PDE3B: variants seen among roughly 807,000 people sequenced by gnomAD.
PDE3B encodes cGMP-inhibited 3',5'-cyclic phosphodiesterase 3B.
PDE3B carries 66 observed loss-of-function variants against 116.8 expected under a neutral mutation model. The ratio of observed to expected loss-of-function variants is 0.56; its 90% CI spans 0.46 to 0.69. The LOEUF is 0.69. Among genes scored for constraint, PDE3B ranks in the 30% least tolerant of loss-of-function variants. The pLI is 0.00. For synonymous variants in PDE3B, 595 were observed against 533.6 expected, an observed-to-expected ratio of 1.12 and a Z score of -1.59; for missense variants, 1,384 against 1,368.1, an observed-to-expected ratio of 1.01 and a Z score of -0.18.
At chr11:14,800,335 C>A (rs553487057) in intron 4 of PDE3B, among the ~76,000 whole-genome samples, 1 of 151,996 alleles carries the variant, frequency 6.6e-6, no homozygotes, top group East Asian at 1.9e-4. Context: ...CGTGGTGGTG[C>A]GCGCCTGTAA....
At chr11:14,758,459 T>C (rs1857259534) in intron 1 of PDE3B, among the ~76,000 whole-genome samples, 1 of 146,708 alleles carries the variant, frequency 6.8e-6, no homozygotes, top group Non-Finnish European at 1.5e-5. Context: ...TTCCATTTGT[T>C]TGTATCCTCT....
In PDE3B at chr11:14,861,278, TC is replaced by T; in HGVS notation, c.2799del (p.Lys934AsnfsTer5). 1 of 1,612,368 alleles carries T rather than the reference TC, an allele frequency of 6.2e-7. No homozygotes were observed. Among genetic ancestry groups the T allele is most frequent in the Non-Finnish European group, 8.5e-7 (1 of 1,178,438 alleles). On this transcript the variant is annotated frameshift_variant, in exon 14 of 16. Coordinates refer to ENST00000282096, the MANE Select transcript of PDE3B (RefSeq NM_000922.4). LOFTEE classifies it high-confidence loss of function. ...NDRLLVCQVC[I>X]KLADINGPAK... Reference sequence around the variant, plus strand: ...CGCCTCTTGGTATGCCAGGTGTGCATCAAACTGGCAGATATAAATGGCCCAG... The same window carrying T: ...CGCCTCTTGGTATGCCAGGTGTGCATAAACTGGCAGATATAAATGGCCCAG...
At chr11:14,866,785 C>CT (rs1555008129) in intron 14 of PDE3B, among the ~76,000 whole-genome samples, 1 of 152,140 alleles carries the variant, frequency 6.6e-6, no homozygotes, top group African/African-American at 2.4e-5. Context: ...TTGCTAAACA[C>CT]TTTATATTAA....
the PDE3B span, among the ~76,000 whole-genome samples, chr11:14,896,558 A>G: frequency 6.6e-6 from 1 of 152,238 alleles, no homozygotes; most frequent in Non-Finnish European, 1.5e-5. Context: ...TTTCTGAAGT[A>G]AAGAAACAGT....
the PDE3B span, among the ~76,000 whole-genome samples, chr11:14,894,588 A>T: frequency 1.5e-4 from 23 of 152,326 alleles, 2 homozygotes; most frequent in East Asian, 4.2e-3. Context: ...CCCTGGCTAC[A>T]TAGCAGAGGA....
intron 1 of PDE3B, among the ~76,000 whole-genome samples, chr11:14,694,107 T>TTAC (rs1189488527): frequency 6.6e-6 from 1 of 152,146 alleles, no homozygotes; most frequent in Non-Finnish European, 1.5e-5. Context: ...TGTGACTGAA[T>TTAC]TACTTCAGTG....
chr11:14,794,028 G>A (rs913646864), intron 4 of PDE3B, among the ~76,000 whole-genome samples: 1 of 152,134 alleles, frequency 6.6e-6, no homozygotes, highest in Non-Finnish European at 1.5e-5. Context: ...ACCTTGTTAA[G>A]GTAATTTGTA....
At chr11:14,826,809 A>G (rs375386783) in intron 7 of PDE3B, among the ~76,000 whole-genome samples, 1 of 151,528 alleles carries the variant, frequency 6.6e-6, no homozygotes, top group Non-Finnish European at 1.5e-5. Flanking sequence ...TCCTCCCCCA[A>G]CCCATACTAT....
Position 14,834,990 on chromosome 11 carries a change from C to T in PDE3B, c.2215C>T (p.Arg739Cys), listed in dbSNP as rs771878367. The T allele has an allele frequency of 5.0e-6, 8 of 1,605,208 alleles. No individual in the cohort carries two copies. Among genetic ancestry groups the T allele is most frequent in the South Asian group, 2.2e-5 (2 of 90,036 alleles). ...CGTTTTGGTGACTTTAGATCACAAT[C>T]GTATACATGCCACAGATGTGCTACA... is the stretch of plus-strand genomic sequence containing the variant. ...NGYRDIPYHN[R>C]IHATDVLHAV... Residue 739 changes from arginine to cysteine, a missense_variant, in exon 11 of 16, where the codon CGT becomes TGT. Transcript: ENST00000282096.
chr11:14,810,104 A>G (rs1299008145), intron 5 of PDE3B, among the ~76,000 whole-genome samples: 1 of 152,192 alleles, frequency 6.6e-6, no homozygotes, highest in Non-Finnish European at 1.5e-5. Flanking sequence ...TAAGATTCAG[A>G]AAGTTTAAAT....
intron 11 of PDE3B, among the ~76,000 whole-genome samples, chr11:14,843,492 C>G (rs750856773): frequency 4.6e-5 from 7 of 152,052 alleles, no homozygotes; most frequent in Non-Finnish European, 8.8e-5. Context: ...ATCATATATC[C>G]TGGCCATTGT....
the PDE3B span, chr11:14,892,076 G>A: frequency 6.2e-7 from 1 of 1,611,908 alleles, no homozygotes; most frequent in Non-Finnish European, 8.5e-7. Context: ...GGCAGCCCCG[G>A]CGGCCCCGGG....
the PDE3B span, chr11:14,885,897 T>C: frequency 6.2e-7 from 1 of 1,613,476 alleles, no homozygotes; most frequent in South Asian, 1.1e-5. Context: ...TTGATATGCC[T>C]CCAAGATCTA....
intron 1 of PDE3B, among the ~76,000 whole-genome samples, chr11:14,757,233 T>A (rs1241060491): frequency 2.0e-5 from 3 of 151,566 alleles, no homozygotes; most frequent in Non-Finnish European, 4.4e-5. Context: ...TCCAAGTCTT[T>A]GCTATTGTGA....
In PDE3B at chr11:14,844,163, A is replaced by AT. The variant is rs555428766; in HGVS notation, c.2520+138dup. ...AATACCCTACATTTTAATTAATTGG[A>AT]TAACACATGGCATTAATGTGATGTG... is the stretch of plus-strand genomic sequence containing the variant. On this transcript the variant is annotated intron_variant, in intron 12 of 15. Transcript: ENST00000282096. The AT allele has an allele frequency of 1.4e-5, 9 of 644,400 alleles. No individual in the cohort carries two copies. In the South Asian group the frequency reaches 1.5e-4, roughly 11 times the overall value. The allele number at this position is 644,400 out of a possible 1,614,324, so 39.9% of individuals were successfully genotyped here. A position where few individuals can be genotyped will look rare whatever the true frequency, so the allele number is the denominator to read the frequency against.
intron 1 of PDE3B, among the ~76,000 whole-genome samples, chr11:14,665,127 A>T (rs534633776): frequency 3.8e-4 from 58 of 152,356 alleles, no homozygotes; most frequent in African/African-American, 1.3e-3. Flanking sequence ...GCAAATCAAT[A>T]AATGTAATCC....
At chr11:14,741,047 C>T (rs888039886) in intron 1 of PDE3B, among the ~76,000 whole-genome samples, 5 of 151,640 alleles carry the variant, frequency 3.3e-5, no homozygotes, top group South Asian at 2.1e-4. Flanking sequence ...AGAATAAATG[C>T]GATGTGGTGC....
chr11:14,699,696 A>G (rs1463194971), intron 1 of PDE3B, among the ~76,000 whole-genome samples: 6 of 151,870 alleles, frequency 4.0e-5, no homozygotes, highest in African/African-American at 9.7e-5. Flanking sequence ...TTTGCTTAAT[A>G]TGAAAAACCT....
chr11:14,881,105 C>T, the PDE3B span, among the ~76,000 whole-genome samples: 1 of 151,986 alleles, frequency 6.6e-6, no homozygotes, highest in Non-Finnish European at 1.5e-5. Flanking sequence ...GACAAATGAC[C>T]ACATGTTCAA....
Sources: gnomAD v4.1 joint callset for allele counts (sites outside exome capture counted in the v4.1 genomes callset) on GRCh38, gnomAD v4.1.1 for gene constraint, MANE v1.5 for transcripts, NCBI Gene and HGNC (gene_info 2026-07-23, HGNC 2026-07-21) for gene names.